THSD7B: variants seen among roughly 807,000 people sequenced by gnomAD.
The protein encoded by THSD7B is thrombospondin type-1 domain-containing protein 7B.
In THSD7B, 138 loss-of-function variants were observed where a neutral mutation model predicts 213.6. The ratio of observed to expected loss-of-function variants is 0.65; its 90% CI spans 0.56 to 0.74. THSD7B has a LOEUF of 0.74. Among genes scored for constraint, THSD7B ranks in the 30% least tolerant of loss-of-function variants. The probability of loss-of-function intolerance (pLI) is 0.00; values close to 1 mark genes in which losing one functional copy is unlikely to be tolerated. For synonymous variants in THSD7B, 742 were observed against 687.0 expected (o/e 1.08, Z -1.25); for missense variants, 1,931 against 1,991.5 (o/e 0.97, Z 0.58).
At chr2:137,396,084 A>G (rs1323192087) in intron 12 of THSD7B, among the ~76,000 whole-genome samples, 1 of 150,390 alleles carries the variant, frequency 6.6e-6, no homozygotes, top group African/African-American at 2.4e-5. Context: ...CTAGCGGTCT[A>G]TCAATTTTGT....
chr2:137,451,673 C>T (rs958626801), intron 15 of THSD7B, among the ~76,000 whole-genome samples: 3 of 151,830 alleles, frequency 2.0e-5, no homozygotes, highest in Non-Finnish European at 2.9e-5. Flanking sequence ...ATTTCAGTTG[C>T]CTTTGTATAT....
chr2:137,309,257 T>A (rs1412657780), intron 12 of THSD7B, among the ~76,000 whole-genome samples: 2 of 151,884 alleles, frequency 1.3e-5, no homozygotes, highest in Non-Finnish European at 2.9e-5. Flanking sequence ...CTTAGTCATT[T>A]ATATTCCTTT....
chr2:137,171,704 C>T (rs951019648), intron 7 of THSD7B, among the ~76,000 whole-genome samples: 4 of 152,124 alleles, frequency 2.6e-5, no homozygotes, highest in East Asian at 1.9e-4. Flanking sequence ...TGGAATGAAG[C>T]GTTTTGAACT....
intron 1 of THSD7B, among the ~76,000 whole-genome samples, chr2:136,776,411 T>C (rs6755336): frequency 1.7e-3 from 256 of 151,878 alleles, no homozygotes; most frequent in African/African-American, 5.9e-3. Flanking sequence ...TCCCATGGCC[T>C]CCCAATGCAG....
At chr2:137,513,559 A>G (rs1680010548) in intron 15 of THSD7B, among the ~76,000 whole-genome samples, 1 of 152,242 alleles carries the variant, frequency 6.6e-6, no homozygotes, top group Non-Finnish European at 1.5e-5. Context: ...GATGATATAC[A>G]GACACATAAT....
intron 2 of THSD7B, among the ~76,000 whole-genome samples, chr2:136,890,945 C>G (rs543066324): frequency 2.0e-5 from 3 of 151,894 alleles, no homozygotes; most frequent in Non-Finnish European, 4.4e-5. Flanking sequence ...TCTTACTGAT[C>G]TTCAATTTTT....
intron 2 of THSD7B, among the ~76,000 whole-genome samples, chr2:137,024,471 T>A (rs1490285861): frequency 2.0e-5 from 3 of 152,112 alleles, no homozygotes; most frequent in Admixed American, 1.3e-4. Flanking sequence ...ATTATAAAAG[T>A]CATACTGAAA....
chr2:137,628,131 T>C (rs188283417), intron 20 of THSD7B, among the ~76,000 whole-genome samples: 23 of 152,296 alleles, frequency 1.5e-4, no homozygotes, highest in Admixed American at 1.2e-3. Flanking sequence ...GTTTAGTATA[T>C]GTGAATTTTC....
chr2:137,588,137 C>A (rs1169408215), intron 17 of THSD7B, among the ~76,000 whole-genome samples: 1 of 152,182 alleles, frequency 6.6e-6, no homozygotes, highest in African/African-American at 2.4e-5. Context: ...CCGAGCCAGG[C>A]ACGGGATATA....
intron 7 of THSD7B, among the ~76,000 whole-genome samples, chr2:137,179,836 G>T (rs1680421067): frequency 6.6e-6 from 1 of 152,016 alleles, no homozygotes; most frequent in Admixed American, 6.6e-5. Flanking sequence ...TGCCTGAGAT[G>T]CTTATCCTCC....
intron 2 of THSD7B, among the ~76,000 whole-genome samples, chr2:137,004,692 G>C (rs1686069866): frequency 6.6e-6 from 1 of 152,066 alleles, no homozygotes; most frequent in Non-Finnish European, 1.5e-5. Context: ...TCAAATTCGG[G>C]TAAAATAATC....
chr2:137,601,569 A>G (rs185892954), intron 17 of THSD7B, among the ~76,000 whole-genome samples: 3 of 152,358 alleles, frequency 2.0e-5, no homozygotes, highest in African/African-American at 7.2e-5. Context: ...TATGATATTC[A>G]TACAATGATG....
At chr2:137,459,159 T>TAA (rs1354113452) in intron 15 of THSD7B, among the ~76,000 whole-genome samples, 70 of 151,514 alleles carry the variant, frequency 4.6e-4, no homozygotes, top group African/African-American at 1.7e-3. Context: ...ACAGTATCTT[T>TAA]TAAAAAAAAA....
At chr2:137,129,129 A>G (rs1688679710) in intron 5 of THSD7B, among the ~76,000 whole-genome samples, 1 of 152,134 alleles carries the variant, frequency 6.6e-6, no homozygotes, top group Non-Finnish European at 1.5e-5. Context: ...GTAACCTTTT[A>G]TAAAGAAGAA....
chr2:137,115,303 C>T lies in THSD7B; in HGVS notation c.1369+10C>T. ...CTGAGGGCCAAGGAAGGTAGGCAGC[C>T]AGTTCCGGGACAGATGGTGCACTGC... On this transcript the variant is annotated intron_variant, in intron 5 of 27. Coordinates refer to ENST00000409968, the MANE Select transcript of THSD7B (RefSeq NM_001316349.2). 6.5e-7 allele frequency: 1 copy of T among 1,540,788 alleles called. No individual in the cohort carries two copies. The highest frequency in any genetic ancestry group is 8.7e-7 in the Non-Finnish European group (1 of 1,146,882).
chr2:137,302,507 A>C (rs1683630678), intron 12 of THSD7B, among the ~76,000 whole-genome samples: 1 of 152,160 alleles, frequency 6.6e-6, no homozygotes, highest in Non-Finnish European at 1.5e-5. Context: ...GGGAAGGATT[A>C]CAAGAGCATG....
chr2:137,659,775 G>T, intron 25 of THSD7B, 29 bp downstream of exon 25: 1 of 1,568,834 alleles, frequency 6.4e-7, no homozygotes, highest in African/African-American at 1.4e-5. Flanking sequence ...TCTTCTATAA[G>T]TGCATTAATT....
intron 14 of THSD7B, among the ~76,000 whole-genome samples, chr2:137,449,361 A>G (rs1376625890): frequency 6.6e-6 from 1 of 152,228 alleles, no homozygotes; most frequent in African/African-American, 2.4e-5. Context: ...TAGCTTTTCC[A>G]TTGTTGCATA....
intron 15 of THSD7B, among the ~76,000 whole-genome samples, chr2:137,511,506 G>GT (rs1203598981): frequency 2.0e-5 from 3 of 152,184 alleles, no homozygotes; most frequent in Admixed American, 2.0e-4. Context: ...TTCCCTGGAC[G>GT]TAAGTGGAAA....
Sources: gnomAD v4.1 joint callset for allele counts (sites outside exome capture counted in the v4.1 genomes callset) on GRCh38, gnomAD v4.1.1 for gene constraint, MANE v1.5 for transcripts, NCBI Gene and HGNC (gene_info 2026-07-23, HGNC 2026-07-21) for gene names.